The following DENND1B variants were observed in gnomAD, a reference collection of about 807,000 sequenced individuals.
The protein encoded by DENND1B is DENN domain containing 1B.
In DENND1B, 59 loss-of-function variants were observed where a neutral mutation model predicts 90.1. The ratio of observed to expected loss-of-function variants is 0.65; its 90% CI spans 0.53 to 0.81. DENND1B has a LOEUF of 0.81. Among genes scored for constraint, DENND1B ranks in the 40% least tolerant of loss-of-function variants. DENND1B has a pLI of 0.00. For missense variants in DENND1B, 862 were observed against 912.6 expected (o/e 0.94, Z 0.71); for synonymous variants, 337 against 324.6 (o/e 1.04, Z -0.41).
intron 10 of DENND1B, among the ~76,000 whole-genome samples, chr1:197,636,257 GA>G (rs1372773569): frequency 1.6e-4 from 24 of 152,226 alleles, no homozygotes; most frequent in African/African-American, 5.5e-4. Flanking sequence ...TTCAAAATGA[GA>G]GAAAGGTATA....
chr1:197,744,331 A>G (rs2102379184), intron 2 of DENND1B, among the ~76,000 whole-genome samples: 1 of 152,326 alleles, frequency 6.6e-6, no homozygotes, highest in South Asian at 2.1e-4. Context: ...TATTTCTTAC[A>G]TTTAGACTTA....
intron 3 of DENND1B, among the ~76,000 whole-genome samples, chr1:197,687,406 T>C (rs1402950122): frequency 1.3e-5 from 2 of 152,166 alleles, no homozygotes; most frequent in Non-Finnish European, 2.9e-5. Context: ...AACTGTTACT[T>C]TGATATTTTA....
At chr1:197,590,428 C>T (rs528868350) in intron 14 of DENND1B, among the ~76,000 whole-genome samples, 2 of 152,136 alleles carry the variant, frequency 1.3e-5, no homozygotes, top group South Asian at 4.1e-4. Flanking sequence ...TAAAAAGTAG[C>T]TAACTTACTG....
Position 197,510,183 on chromosome 1 carries a change from A to C in DENND1B, c.*277T>G, listed in dbSNP as rs555542969. Reference sequence around the variant, plus strand: ...TATGCATTCTTAGCTTAAATAAAATAAACGGCATTAAGCACCAAACACTGG... The same window carrying C: ...TATGCATTCTTAGCTTAAATAAAATCAACGGCATTAAGCACCAAACACTGG... On this transcript the variant is annotated 3_prime_UTR_variant, in exon 23 of 23. Transcript: ENST00000620048. 264 of 380,678 alleles carry C rather than the reference A, an allele frequency of 6.9e-4. 1 individual carries two copies. Among genetic ancestry groups the C allele is most frequent in the African/African-American group, 5.2e-3 (250 of 47,850 alleles). 23.6% of individuals were successfully genotyped at this position (380,678 alleles called of 1,614,324 possible).
chr1:197,754,847 C>A (rs1654074989), intron 2 of DENND1B, among the ~76,000 whole-genome samples: 1 of 151,954 alleles, frequency 6.6e-6, no homozygotes, highest in South Asian at 2.1e-4. Context: ...ACAGATTGTT[C>A]AACAAAATAT....
At chr1:197,588,825 C>T (rs1437967666) in intron 14 of DENND1B, among the ~76,000 whole-genome samples, 1 of 152,048 alleles carries the variant, frequency 6.6e-6, no homozygotes, top group Non-Finnish European at 1.5e-5. Context: ...TAATTTTCTT[C>T]CATTGTTGGC....
At chr1:197,745,902 T>C (rs1476930404) in intron 2 of DENND1B, among the ~76,000 whole-genome samples, 1 of 152,112 alleles carries the variant, frequency 6.6e-6, no homozygotes, top group Non-Finnish European at 1.5e-5. Context: ...AAATTGCTTT[T>C]ACTATGCAAT....
intron 20 of DENND1B, among the ~76,000 whole-genome samples, chr1:197,523,260 C>G (rs1668901947): frequency 6.6e-6 from 1 of 151,954 alleles, no homozygotes; most frequent in Non-Finnish European, 1.5e-5. Flanking sequence ...CTTTATCTGC[C>G]CTAGGGAAGA....
chr1:197,745,234 CACAA>C (rs903680549), intron 2 of DENND1B, among the ~76,000 whole-genome samples: 8 of 152,210 alleles, frequency 5.3e-5, no homozygotes, highest in African/African-American at 1.7e-4. Context: ...CACAACCTGA[CACAA>C]ACAGTTAGTC....
chr1:197,621,664 C>T (rs1678176151), intron 10 of DENND1B, among the ~76,000 whole-genome samples: 1 of 151,264 alleles, frequency 6.6e-6, no homozygotes, highest in Non-Finnish European at 1.5e-5. Context: ...GCCAAGACTC[C>T]ACATTGCTTT....
chr1:197,553,452 T>G (rs1671424714), intron 15 of DENND1B, among the ~76,000 whole-genome samples: 1 of 152,142 alleles, frequency 6.6e-6, no homozygotes. Context: ...CAGAGGAGTT[T>G]GTACAAAGGT....
intron 20 of DENND1B, among the ~76,000 whole-genome samples, chr1:197,523,554 C>T (rs1282099642): frequency 1.3e-5 from 2 of 152,092 alleles, no homozygotes; most frequent in African/African-American, 4.8e-5. Context: ...AAAGAAAAGC[C>T]TCTATATAGC....
At chr1:197,726,508 C>T (rs1225404165) in intron 2 of DENND1B, among the ~76,000 whole-genome samples, 2 of 152,176 alleles carry the variant, frequency 1.3e-5, no homozygotes, top group African/African-American at 4.8e-5. Flanking sequence ...GGGTGAATAT[C>T]ACTGTCAGCA....
At chr1:197,632,035 A>T (rs1041597958) in intron 10 of DENND1B, among the ~76,000 whole-genome samples, 2 of 152,150 alleles carry the variant, frequency 1.3e-5, no homozygotes, top group Non-Finnish European at 2.9e-5. Context: ...AATGTTTCTA[A>T]AACCCAACCT....
chr1:197,631,541 T>C (rs1679326862), intron 10 of DENND1B, among the ~76,000 whole-genome samples: 1 of 152,006 alleles, frequency 6.6e-6, no homozygotes, highest in African/African-American at 2.4e-5. Context: ...ACTCTTTAAC[T>C]ATTAGTCATA....
chr1:197,765,022 A>G (rs1206023751), intron 2 of DENND1B, among the ~76,000 whole-genome samples: 1 of 152,224 alleles, frequency 6.6e-6, no homozygotes, highest in East Asian at 1.9e-4. Flanking sequence ...TCCATACTCC[A>G]TGGGATTATA....
At chr1:197,521,329 T>A (rs536561219) in intron 20 of DENND1B, among the ~76,000 whole-genome samples, 2 of 152,114 alleles carry the variant, frequency 1.3e-5, no homozygotes, top group South Asian at 4.1e-4. Flanking sequence ...GTTACCATTT[T>A]GATCACCAGG....
chr1:197,574,729 G>A (rs1298343827), intron 15 of DENND1B, among the ~76,000 whole-genome samples: 2 of 152,134 alleles, frequency 1.3e-5, no homozygotes, highest in African/African-American at 4.8e-5. Flanking sequence ...GCATGGTACT[G>A]GTACCAAAAC....
At chr1:197,674,269 T>C (rs1303409163) in intron 3 of DENND1B, 100 bp from the exon 4 acceptor site, 5 of 803,588 alleles carry the variant, frequency 6.2e-6, no homozygotes, top group Non-Finnish European at 9.9e-6. Context: ...AAAAGATGCT[T>C]TCTTTGTCCT....
Sources: allele counts gnomAD v4.1 joint callset (sites outside exome capture counted in the v4.1 genomes callset), GRCh38; gene constraint gnomAD v4.1.1; transcripts MANE v1.5; gene names NCBI Gene and HGNC (gene_info 2026-07-23, HGNC 2026-07-21).